The following SLCO1A2 variants were observed in gnomAD, a reference collection of about 807,000 sequenced individuals.
SLCO1A2 encodes the protein solute carrier organic anion transporter family member 1A2.
In SLCO1A2, 67 loss-of-function variants were observed where a neutral mutation model predicts 69.0. The observed-to-expected ratio is 0.97, with a 90% CI of 0.80 to 1.19. The LOEUF (loss-of-function observed/expected upper bound fraction) is 1.19, where lower values mean the gene tolerates loss of function less well. Ranked by LOEUF, SLCO1A2 falls within the 50% of genes most tolerant of loss-of-function variation. SLCO1A2 has a pLI of 0.00. For synonymous variants in SLCO1A2, 260 were observed against 265.9 expected (o/e 0.98, Z 0.22); for missense variants, 787 against 793.7 (o/e 0.99, Z 0.10).
intron 2 of SLCO1A2, among the ~76,000 whole-genome samples, chr12:21,345,461 C>G (rs1015607725): frequency 4.6e-5 from 7 of 151,932 alleles, no homozygotes; most frequent in African/African-American, 1.7e-4. Context: ...TTCCTTTGGG[C>G]AAAGACAGTA....
At chr12:21,366,799 G>A (rs574432667) in intron 2 of SLCO1A2, among the ~76,000 whole-genome samples, 1 of 151,708 alleles carries the variant, frequency 6.6e-6, no homozygotes, top group African/African-American at 2.4e-5. Flanking sequence ...TTTTTTTATG[G>A]AAAAGTTGGT....
At chr12:21,400,875 T>G (rs867146345) in intron 1 of SLCO1A2, among the ~76,000 whole-genome samples, 7 of 89,158 alleles carry the variant, frequency 7.9e-5, no homozygotes, top group Admixed American at 1.6e-4. Context: ...TGGGGACTGT[T>G]GTGGGGTGGG....
intron 2 of SLCO1A2, among the ~76,000 whole-genome samples, chr12:21,325,057 G>A (rs1273578081): frequency 6.6e-6 from 1 of 152,096 alleles, no homozygotes; most frequent in Non-Finnish European, 1.5e-5. Flanking sequence ...ATTTGTCATT[G>A]GGAAGTGCTC....
chr12:21,357,415 T>TAC (rs1565513944), intron 2 of SLCO1A2, among the ~76,000 whole-genome samples: 1 of 152,194 alleles, frequency 6.6e-6, no homozygotes, highest in Non-Finnish European at 1.5e-5. Context: ...GGAACAGCCC[T>TAC]CAGATAGAAC....
Position 21,313,982 on chromosome 12 carries a change from TAA to T in SLCO1A2, c.335+565_335+566del, listed in dbSNP as rs71043263. On this transcript the variant is annotated intron_variant, in intron 4 of 14. Transcript: ENST00000683939. ...GTCTCAAAAAAATAATAATAAATAA[TAA>T]AAAAAAAAAACAGAAAAAAAAGAAA... Among the ~76,000 whole-genome samples, 842 of 136,464 alleles carry T rather than the reference TAA, an allele frequency of 6.2e-3. 13 individuals are homozygous for T. Among genetic ancestry groups the T allele is most frequent in the African/African-American group, 0.02 (747 of 36,752 alleles). 89.5% of individuals were successfully genotyped at this position (136,464 alleles called of 152,430 possible).
chr12:21,334,984 A>G (rs1591858233), upstream of SLCO1A2: 1 of 188,302 alleles, frequency 5.3e-6, no homozygotes, highest in Non-Finnish European at 1.1e-5. Context: ...TAATGGTCAC[A>G]TGGTTAAAAG....
At chr12:21,281,319 G>A (rs1354120259) in intron 12 of SLCO1A2, among the ~76,000 whole-genome samples, 1 of 151,956 alleles carries the variant, frequency 6.6e-6, no homozygotes, top group Non-Finnish European at 1.5e-5. Context: ...GTGTGGTGGT[G>A]TGAGACTGTA....
chr12:21,418,896 G>T (rs1166554709), upstream of SLCO1A2, among the ~76,000 whole-genome samples: 1 of 151,962 alleles, frequency 6.6e-6, no homozygotes, highest in African/African-American at 2.4e-5. Flanking sequence ...TGTGAACTAA[G>T]AATAGTTTTT....
chr12:21,372,025 AAGAG>A (rs372931856), intron 2 of SLCO1A2, among the ~76,000 whole-genome samples: 10 of 151,958 alleles, frequency 6.6e-5, no homozygotes, highest in Admixed American at 2.0e-4. Context: ...AAAAAAAAGA[AAGAG>A]AGAAAGAAAT....
At chr12:21,283,696 T>C (rs1945221448) in intron 12 of SLCO1A2, among the ~76,000 whole-genome samples, 1 of 152,078 alleles carries the variant, frequency 6.6e-6, no homozygotes, top group Non-Finnish European at 1.5e-5. Flanking sequence ...AACCAGAATA[T>C]GTAAGGAGCT....
At chr12:21,275,337 T>C in intron 13 of SLCO1A2, 23 bp downstream of exon 13, 1 of 1,532,288 alleles carries the variant, frequency 6.5e-7, no homozygotes, top group Non-Finnish European at 8.9e-7. Context: ...TGATAGGATG[T>C]GGGAAAAAAT....
chr12:21,349,402 C>T (rs1233611971), intron 2 of SLCO1A2, among the ~76,000 whole-genome samples: 1 of 152,118 alleles, frequency 6.6e-6, no homozygotes, highest in Non-Finnish European at 1.5e-5. Flanking sequence ...CTCCATTTTC[C>T]TCAAGCTGGC....
chr12:21,366,871 T>A (rs1015307586), intron 2 of SLCO1A2, among the ~76,000 whole-genome samples: 1 of 151,802 alleles, frequency 6.6e-6, no homozygotes, highest in Non-Finnish European at 1.5e-5. Flanking sequence ...AAAATATATA[T>A]AAACACAAGA....
At chr12:21,352,263 A>G (rs1938021115) in intron 2 of SLCO1A2, among the ~76,000 whole-genome samples, 2 of 152,230 alleles carry the variant, frequency 1.3e-5, no homozygotes, top group African/African-American at 2.4e-5. Flanking sequence ...AAACTAGGAC[A>G]GGTGGACGGC....
Position 21,300,035 on chromosome 12 carries a change from TA to T in SLCO1A2, c.910+312del, listed in dbSNP as rs563162932. 5.4e-3 allele frequency among the ~76,000 whole-genome samples: 778 copies of T among 143,514 alleles called. 11 individuals carry two copies. Among genetic ancestry groups the T allele is most frequent in the African/African-American group, 0.02 (745 of 37,310 alleles). The allele number at this position is 143,514 out of a possible 152,430, so 94.2% of individuals were successfully genotyped here. On this transcript the variant is annotated intron_variant, in intron 8 of 14. Transcript: ENST00000683939. ...ACATATATATGTGTATATATGTGTG[TA>T]TATATATATGTGTGTGTACATATAT...
At chr12:21,280,401 T>C (rs972925716) in intron 12 of SLCO1A2, among the ~76,000 whole-genome samples, 5 of 151,420 alleles carry the variant, frequency 3.3e-5, no homozygotes, top group African/African-American at 9.7e-5. Flanking sequence ...TCCATGCCAA[T>C]AGAAACCAAA....
rs181270918 is a variant in SLCO1A2 at position 21,342,444 on chromosome 12, T to C, written c.-62-7735A>G. ...ATTAATATATTACACTTTTAAAATA[T>C]TTTAAGTATAAAAATTCCAAACATA... On this transcript the variant is annotated intron_variant, in intron 2 of 15. Coordinates refer to the SLCO1A2 transcript ENST00000307378. 4.6e-3 allele frequency among the ~76,000 whole-genome samples: 695 copies of C among 152,136 alleles called. 5 individuals carry two copies. Among genetic ancestry groups the C allele is most frequent in the African/African-American group, 0.015 (635 of 41,542 alleles).
At chr12:21,322,695 C>G (rs951509324) in intron 2 of SLCO1A2, among the ~76,000 whole-genome samples, 227 of 152,092 alleles carry the variant, frequency 1.5e-3, no homozygotes, top group African/African-American at 5.3e-3. Flanking sequence ...GATGTTAGTT[C>G]TGGTTGGTTT....
chr12:21,270,799 T>G (rs959830999), intron 14 of SLCO1A2, among the ~76,000 whole-genome samples: 1 of 151,688 alleles, frequency 6.6e-6, no homozygotes, highest in African/African-American at 2.4e-5. Flanking sequence ...TGTTATAATA[T>G]CTGTACTTAT....
Sources: gnomAD v4.1 joint callset for allele counts (sites outside exome capture counted in the v4.1 genomes callset) on GRCh38, gnomAD v4.1.1 for gene constraint, MANE v1.5 for transcripts, NCBI Gene and HGNC (gene_info 2026-07-23, HGNC 2026-07-21) for gene names.